Variants in CACNA1S observed in about 807,000 individuals in gnomAD.
CACNA1S encodes the protein voltage-dependent L-type calcium channel subunit alpha-1S.
Under a neutral mutation model 207.4 loss-of-function variants are expected in CACNA1S, and 126 were observed. That is an observed-to-expected ratio of 0.61 (90% CI 0.53 to 0.70). The LOEUF (loss-of-function observed/expected upper bound fraction) is 0.70. CACNA1S is among the 30% of genes least tolerant of loss of function. CACNA1S has a pLI of 0.00. For synonymous variants in CACNA1S, 960 were observed against 932.7 expected (o/e 1.03, Z -0.53); for missense variants, 2,349 against 2,422.8 (o/e 0.97, Z 0.64).
rs541219903 is a variant in CACNA1S, at chr1:201,072,235, C to T, written c.2227+520G>A. Among the ~76,000 whole-genome samples, 8 of 152,274 alleles carry T rather than the reference C, an allele frequency of 5.3e-5. No homozygotes were observed. The South Asian group carries it at 8.3e-4, about 16-fold the overall frequency. ...TTATGAGATGTTTGTGGTTTATCCACGGTTGTTTCTTATCCATGCTCCCCC... is the reference window on the plus strand; with the variant it reads ...TTATGAGATGTTTGTGGTTTATCCATGGTTGTTTCTTATCCATGCTCCCCC... On this transcript the variant is annotated intron_variant, in intron 16 of 43. Coordinates refer to ENST00000362061, the MANE Select transcript of CACNA1S (RefSeq NM_000069.3).
In CACNA1S at chr1:201,053,857, C is replaced by T. The variant is rs1660742021; in HGVS notation, c.3667-270G>A. 6.6e-6 allele frequency among the ~76,000 whole-genome samples: 1 copy of T among 152,102 alleles called. No homozygotes were observed. Among genetic ancestry groups the T allele is most frequent in the East Asian group, 1.9e-4 (1 of 5,174 alleles). ...ACTTGGGAGCAGTGGCAGGGATTTG[C>T]CCTGGGGTGTGGCTGCACCCAGGCC... On this transcript the variant is annotated intron_variant, in intron 29 of 43. Coordinates refer to ENST00000362061, the MANE Select transcript of CACNA1S (RefSeq NM_000069.3). This position sits in a 1 kb window ranked among gnomAD's most constrained non-coding sequence, Gnocchi z 5.1.
chr1:201,043,546 A>AAGAGC lies in CACNA1S; in HGVS notation c.4798-20_4798-16dup. On this transcript the variant is annotated splice_polypyrimidine_tract_variant and intron_variant, in intron 39 of 43. Transcript: ENST00000362061. ...CCTCCAGTCCTCTAGGGGCAAGGAG[A>AAGAGC]AGAGCAGTGACTGGGGGTGAGGGCA... 1 of 1,613,772 alleles carries AAGAGC rather than the reference A, an allele frequency of 6.2e-7. No individual in the cohort carries two copies. The highest frequency in any genetic ancestry group is 8.5e-7 in the Non-Finnish European group (1 of 1,179,910).
chr1:201,095,864 G>A (rs562402842), intron 2 of CACNA1S, among the ~76,000 whole-genome samples: 1 of 152,194 alleles, frequency 6.6e-6, no homozygotes, highest in Non-Finnish European at 1.5e-5. Context: ...CAACTATGGA[G>A]GGATCTCCCT....
chr1:201,089,705 C>T (rs566824592), intron 5 of CACNA1S, among the ~76,000 whole-genome samples: 1 of 152,320 alleles, frequency 6.6e-6, no homozygotes, highest in South Asian at 2.1e-4. Context: ...GCAGGGTCGG[C>T]TTCTAGGATT....
intron 1 of CACNA1S, among the ~76,000 whole-genome samples, 200 bp downstream of exon 1, chr1:201,111,988 C>T (rs1333687285): frequency 6.8e-6 from 1 of 146,464 alleles, no homozygotes; most frequent in South Asian, 2.3e-4. Context: ...CCCTCCTCGT[C>T]TTCCTCCTCT....
chr1:201,080,739 T>G (rs12026017), intron 10 of CACNA1S, among the ~76,000 whole-genome samples: 36,354 of 152,006 alleles, frequency 0.24, 6,308 homozygotes, highest in East Asian at 0.77. Context: ...GCAGTTTTTT[T>G]TTGTTGTTGT....
At chr1:201,074,666 G>A (rs1226622424) in intron 13 of CACNA1S, 46 bp from the exon 14 acceptor site, 6 of 1,237,374 alleles carry the variant, frequency 4.8e-6, no homozygotes, top group Non-Finnish European at 7.1e-6. Context: ...GTGGAAGGGA[G>A]CCTGCAGGGC....
At position 201,066,119 on chromosome 1, in the gene CACNA1S, G is replaced by T; in HGVS notation, c.2745+110C>A. The stretch of plus-strand genomic sequence containing the variant: ...CTCATCCTTACCCCTATCTGCCCAG[G>T]GAGATGGGACAGGGGTCCCAGCCAT... On this transcript the variant is annotated intron_variant, in intron 21 of 43. Transcript: ENST00000362061. This position sits in a 1 kb window ranked among gnomAD's most constrained non-coding sequence, Gnocchi z 4.3. 1 of 1,112,324 alleles carries T rather than the reference G, an allele frequency of 9.0e-7. No homozygotes were observed. Among genetic ancestry groups the T allele is most frequent in the East Asian group, 2.4e-5 (1 of 41,094 alleles). The allele number at this position is 1,112,324 out of a possible 1,614,324, so 68.9% of individuals were successfully genotyped here.
At chr1:201,080,059 T>C (rs563126093) in intron 10 of CACNA1S, among the ~76,000 whole-genome samples, 5 of 152,286 alleles carry the variant, frequency 3.3e-5, no homozygotes, top group South Asian at 2.1e-4. Flanking sequence ...ATTTGAGTGA[T>C]ACCCTTGAGT....
intron 10 of CACNA1S, among the ~76,000 whole-genome samples, chr1:201,079,162 C>T (rs1223045542): frequency 2.0e-5 from 3 of 151,662 alleles, no homozygotes; most frequent in Non-Finnish European, 4.4e-5. Flanking sequence ...CCCATTTTCC[C>T]TCTATCTTCT....
chr1:201,042,634 G>A lies in CACNA1S; in HGVS notation c.5048+647C>T, dbSNP rs145367736. On this transcript the variant is annotated intron_variant, in intron 40 of 43. Transcript: ENST00000362061. Reference sequence around the variant, plus strand: ...GTCTCTGTGACTGGAAGGGGTGCAGGCAGCCCTGGCCATGAAAAGGGGCTG... The same window carrying A: ...GTCTCTGTGACTGGAAGGGGTGCAGACAGCCCTGGCCATGAAAAGGGGCTG... Among the ~76,000 whole-genome samples, 743 of 152,298 alleles carry A rather than the reference G, an allele frequency of 4.9e-3. 4 individuals are homozygous for A. The highest frequency in any genetic ancestry group is 8.0e-3 in the Non-Finnish European group (541 of 68,024).
At chr1:201,044,277 C>T (rs780098772) in intron 39 of CACNA1S, 51 bp downstream of exon 39, 11 of 1,609,260 alleles carry the variant, frequency 6.8e-6, no homozygotes, top group Non-Finnish European at 7.6e-6. Flanking sequence ...CTGTGAGACA[C>T]TGCCACTCAT....
At chr1:201,040,851 A>C in intron 41 of CACNA1S, 138 bp from the exon 42 acceptor site, 1 of 693,196 alleles carries the variant, frequency 1.4e-6, no homozygotes, top group Non-Finnish European at 2.6e-6. Context: ...GGTGTCTTAG[A>C]GGGTGGACAC....
At chr1:201,105,025 G>A (rs1021915546) in intron 2 of CACNA1S, among the ~76,000 whole-genome samples, 2 of 152,232 alleles carry the variant, frequency 1.3e-5, no homozygotes, top group African/African-American at 4.8e-5. Context: ...GCAAGTAATC[G>A]ATAAATATTG....
intron 19 of CACNA1S, among the ~76,000 whole-genome samples, chr1:201,068,584 G>C (rs66839237): frequency 0.31 from 47,159 of 150,496 alleles, 10,949 homozygotes; most frequent in African/African-American, 0.66. Flanking sequence ...AGAAAAATGC[G>C]AGAGTTCGCT....
At position 201,110,187 on chromosome 1, in the gene CACNA1S, TGTC is replaced by T; in HGVS notation, c.232_234del (p.Asp78del). The T allele has an allele frequency of 6.2e-7, 1 of 1,614,164 alleles. No homozygotes were observed. Among genetic ancestry groups the T allele is most frequent in the Non-Finnish European group, 8.5e-7 (1 of 1,180,008 alleles). On this transcript the variant is annotated inframe_deletion, in exon 2 of 44. Coordinates refer to ENST00000362061, the MANE Select transcript of CACNA1S (RefSeq NM_000069.3). ...ACCAGGCCGAGGTTCAGAGAGTTGT[TGTC>T]ATCTTCCGGCATGGGCAGGTACACG...
intron 19 of CACNA1S, among the ~76,000 whole-genome samples, chr1:201,067,723 G>A (rs544942463): frequency 4.9e-4 from 75 of 152,238 alleles, no homozygotes; most frequent in Admixed American, 1.4e-3. Context: ...GTCCTAGGCC[G>A]CCCTAGCTAT....
chr1:201,039,837 C>T lies in CACNA1S; in HGVS notation c.5616G>A (p.Arg1872=). ...QGSQETLIPP[R]L ...TGCTGATGCTGTGTGGGCATCACAG[C>T]CTTGGAGGAATAAGGGTCTCCTGGG... The change falls in exon 44 of 44, where the codon AGG becomes AGA. Residue 1872 remains arginine, a synonymous_variant. Coordinates refer to ENST00000362061, the MANE Select transcript of CACNA1S (RefSeq NM_000069.3). 1.2e-6 allele frequency: 2 copies of T among 1,604,594 alleles called. No homozygotes were observed. Among genetic ancestry groups the T allele is most frequent in the African/African-American group, 1.3e-5 (1 of 75,082 alleles).
At chr1:201,043,254 C>CCCAGTACCTCTACA (rs1164784796) in intron 40 of CACNA1S, 27 bp downstream of exon 40, 2 of 1,614,002 alleles carry the variant, frequency 1.2e-6, no homozygotes, top group Non-Finnish European at 8.5e-7. Context: ...TACCTCTACA[C>CCCAGTACCTCTACA]CCAGGGATGG....
Sources: allele counts gnomAD v4.1 joint callset (sites outside exome capture counted in the v4.1 genomes callset), GRCh38; gene constraint gnomAD v4.1.1; non-coding constraint Gnocchi (gnomAD v3.1); transcripts MANE v1.5; gene names NCBI Gene and HGNC (gene_info 2026-07-23, HGNC 2026-07-21).